The following CHLSN variants were observed in gnomAD, a reference collection of about 807,000 sequenced individuals.
CHLSN encodes the protein cholesin.
the CHLSN span, among the ~76,000 whole-genome samples, chr7:1,107,839 CCG>C: frequency 6.7e-6 from 1 of 149,946 alleles, no homozygotes; most frequent in South Asian, 2.1e-4. Flanking sequence ...CACTGGAGAC[CCG>C]CACCCCGGGA....
the CHLSN span, chr7:1,028,393 G>C: frequency 1.0e-6 from 1 of 987,346 alleles, no homozygotes; most frequent in African/African-American, 1.7e-5. Flanking sequence ...GCCCGGCGCG[G>C]CTGGAACCAG....
chr7:1,022,744 TC>T, the CHLSN span, among the ~76,000 whole-genome samples: 1 of 151,870 alleles, frequency 6.6e-6, no homozygotes, highest in Non-Finnish European at 1.5e-5. Flanking sequence ...TAAAGGTGAA[TC>T]CCCCCCAACC....
At chr7:997,671 G>T in the CHLSN span, 1 of 1,610,236 alleles carries the variant, frequency 6.2e-7, no homozygotes, top group African/African-American at 1.3e-5. Context: ...GGCCCTCCCC[G>T]GCAGGGGGGG....
At chr7:1,070,713 C>T in the CHLSN span, among the ~76,000 whole-genome samples, 4 of 147,138 alleles carry the variant, frequency 2.7e-5, no homozygotes, top group South Asian at 4.4e-4. Context: ...CACATGAACA[C>T]GCACACGCGC....
At chr7:1,136,603 T>C in the CHLSN span, among the ~76,000 whole-genome samples, 1 of 141,930 alleles carries the variant, frequency 7.0e-6, no homozygotes, top group Admixed American at 7.2e-5. Flanking sequence ...TAAACATATA[T>C]AAATATATAT....
the CHLSN span, among the ~76,000 whole-genome samples, chr7:1,132,302 C>G: frequency 3.2e-4 from 49 of 152,336 alleles, no homozygotes; most frequent in Non-Finnish European, 1.5e-4. Context: ...AATCCCAGCA[C>G]TTTGGGAGGC....
At chr7:1,016,683 G>GCA in the CHLSN span, among the ~76,000 whole-genome samples, 1 of 100,742 alleles carries the variant, frequency 9.9e-6, no homozygotes, top group African/African-American at 4.6e-5. Flanking sequence ...ACACGCCAGG[G>GCA]CACAGCAGCG....
chr7:995,681 G>A, the CHLSN span, among the ~76,000 whole-genome samples: 3 of 152,370 alleles, frequency 2.0e-5, no homozygotes, highest in Admixed American at 2.0e-4. Context: ...GCCAGCAGCC[G>A]GATCGCAGGC....
the CHLSN span, among the ~76,000 whole-genome samples, chr7:1,105,381 C>T: frequency 2.0e-5 from 3 of 152,316 alleles, no homozygotes; most frequent in African/African-American, 4.8e-5. Context: ...CCGAGGGTGA[C>T]GCCCCAGCCT....
At chr7:1,054,993 C>T in the CHLSN span, among the ~76,000 whole-genome samples, 1 of 152,194 alleles carries the variant, frequency 6.6e-6, no homozygotes, top group Non-Finnish European at 1.5e-5. Context: ...GCACACTGAA[C>T]ACCAGGGGCG....
the CHLSN span, among the ~76,000 whole-genome samples, chr7:1,013,167 G>C: frequency 6.6e-6 from 1 of 152,228 alleles, no homozygotes; most frequent in Non-Finnish European, 1.5e-5. Context: ...GAGCAAGGTA[G>C]GACGGCTGTC....
the CHLSN span, among the ~76,000 whole-genome samples, chr7:1,065,359 T>C: frequency 2.0e-5 from 3 of 152,230 alleles, no homozygotes; most frequent in Admixed American, 2.0e-4. Flanking sequence ...CAAGCACCTG[T>C]ATACAAATGT....
the CHLSN span, among the ~76,000 whole-genome samples, chr7:1,108,883 T>C: frequency 6.6e-6 from 1 of 150,894 alleles, no homozygotes; most frequent in Non-Finnish European, 1.5e-5. Context: ...GGCTGTGATA[T>C]TTCTCCCAGG....
the CHLSN span, chr7:997,421 G>C: frequency 1.9e-6 from 1 of 519,110 alleles, no homozygotes; most frequent in South Asian, 3.0e-5. Flanking sequence ...AGCCGTCACC[G>C]GCCAAGGAGG....
At chr7:1,065,816 T>G in the CHLSN span, among the ~76,000 whole-genome samples, 1 of 152,126 alleles carries the variant, frequency 6.6e-6, no homozygotes, top group East Asian at 1.9e-4. Context: ...GGGACAGGGC[T>G]CTCTTCAGGA....
the CHLSN span, among the ~76,000 whole-genome samples, chr7:1,050,121 C>T: frequency 6.6e-6 from 1 of 152,364 alleles, no homozygotes; most frequent in East Asian, 1.9e-4. Flanking sequence ...CTGCTGTCAG[C>T]ACAGGCCTAC....
chr7:1,063,953 C>T, the CHLSN span, among the ~76,000 whole-genome samples: 1 of 152,172 alleles, frequency 6.6e-6, no homozygotes. Context: ...ATGGAAGACC[C>T]CTCAGAAACA....
At chr7:1,006,523 TGCAGGGAAAGAGCACACGACGGCCACAGC>T in the CHLSN span, among the ~76,000 whole-genome samples, 38 of 80,888 alleles carry the variant, frequency 4.7e-4, no homozygotes, top group African/African-American at 1.4e-3. Context: ...ACGGCCATAC[TGCAGGGAAAGAGCACACGACGGCCACAGC>T]GCAGGGAAAG....
the CHLSN span, among the ~76,000 whole-genome samples, chr7:1,032,915 C>G: frequency 6.6e-6 from 1 of 152,260 alleles, no homozygotes; most frequent in African/African-American, 2.4e-5. Flanking sequence ...GCACGCTCCT[C>G]ACTACCCTGC....
Sources: allele counts gnomAD v4.1 joint callset (sites outside exome capture counted in the v4.1 genomes callset), GRCh38; gene constraint gnomAD v4.1.1; transcripts MANE v1.5; gene names NCBI Gene and HGNC (gene_info 2026-07-23, HGNC 2026-07-21).